CCT5: variants seen among roughly 807,000 people sequenced by gnomAD.
CCT5 encodes T-complex protein 1 subunit epsilon.
CCT5 carries 6 observed loss-of-function variants against 55.0 expected under a neutral mutation model. The ratio of observed to expected loss-of-function variants is 0.11; its 90% CI spans 0.06 to 0.22. The LOEUF is 0.22. Among genes scored for constraint, CCT5 ranks in the 10% least tolerant of loss-of-function variants. The probability of loss-of-function intolerance (pLI) is 1.00; values close to 1 mark genes in which losing one functional copy is unlikely to be tolerated. For missense variants in CCT5, 560 were observed against 694.6 expected (o/e 0.81, Z 2.18); for synonymous variants, 231 against 243.7 (o/e 0.95, Z 0.49).
Position 10,255,157 on chromosome 5 carries a change from A to C in CCT5, c.331+319A>C, listed in dbSNP as rs184143031. The C allele has an allele frequency of 1.8e-3, 693 of 374,690 alleles. 6 individuals carry two copies. Among genetic ancestry groups the C allele is most frequent in the African/African-American group, 0.013 (629 of 48,262 alleles). 23.2% of individuals were successfully genotyped at this position (374,690 alleles called of 1,614,324 possible). A position where few individuals can be genotyped will look rare whatever the true frequency, so the allele number is the denominator to read the frequency against. On this transcript the variant is annotated intron_variant, in intron 3 of 10. Transcript: ENST00000280326. ...TTTTGGATCATGTACTGCAATGCTG[A>C]GTTTCCTGAGTGATCTGTGACCATT... is the stretch of plus-strand genomic sequence containing the variant.
chr5:10,264,332 G>T (rs140965800), intron 10 of CCT5, among the ~76,000 whole-genome samples: 1 of 152,280 alleles, frequency 6.6e-6, no homozygotes, highest in Non-Finnish European at 1.5e-5. Flanking sequence ...TGGTCAGATG[G>T]ACTTACTTTA....
intron 7 of CCT5, chr5:10,261,172 GA>G: frequency 3.8e-6 from 2 of 524,810 alleles, no homozygotes; most frequent in Non-Finnish European, 6.9e-6. Flanking sequence ...ACTAAGGCTG[GA>G]AGACCTGGTC....
rs113764522 is a variant in CCT5 at position 10,259,085 on chromosome 5, G to A, written c.873+550G>A. Among the ~76,000 whole-genome samples, 73 of 152,318 alleles carry A rather than the reference G, an allele frequency of 4.8e-4. 1 individual carries two copies. Among genetic ancestry groups the A allele is most frequent in the African/African-American group, 1.7e-3 (71 of 41,566 alleles). ...TTGTACATATTATATTTGCCGTCCTGGACAAATTTAACTTAGCTTACCTTG... is the reference window on the plus strand; with the variant it reads ...TTGTACATATTATATTTGCCGTCCTAGACAAATTTAACTTAGCTTACCTTG... On this transcript the variant is annotated intron_variant, in intron 6 of 10. Coordinates refer to ENST00000280326, the MANE Select transcript of CCT5 (RefSeq NM_012073.5).
intron 8 of CCT5, 41 bp from the exon 9 acceptor site, chr5:10,262,440 G>C (rs763731217): frequency 3.7e-6 from 6 of 1,611,776 alleles, no homozygotes; most frequent in Non-Finnish European, 5.1e-6. Flanking sequence ...AAATTGACTA[G>C]ATCTTGATCA....
chr5:10,257,148 G>T (rs752522846), intron 4 of CCT5, among the ~76,000 whole-genome samples: 9 of 152,214 alleles, frequency 5.9e-5, no homozygotes, highest in Non-Finnish European at 1.3e-4. Flanking sequence ...TAAACTCAGA[G>T]TAGTCAGGGA....
rs1191228356 is a variant in CCT5, at chr5:10,254,151, A to G, written c.112A>G (p.Ile38Val). ...LMGLEALKSH[I>V]MAAKAVANTM... ...TTTCTGTTTGTTTCATTAGTCTCAT[A>G]TAATGGCAGCAAAGGCTGTAGCAAA... The change falls in exon 2 of 11, where the codon ATA (isoleucine) becomes GTA (valine). Residue 38 changes from isoleucine to valine, a missense_variant. By Grantham distance (29) the Ile-to-Val change is conservative. Transcript: ENST00000280326. 1.3e-5 allele frequency: 21 copies of G among 1,606,034 alleles called. No individual in the cohort carries two copies. In the East Asian group the frequency reaches 3.8e-4, roughly 29 times the overall value.
intron 8 of CCT5, 41 bp from the exon 9 acceptor site, chr5:10,262,440 G>A (rs763731217): frequency 1.9e-6 from 3 of 1,611,894 alleles, no homozygotes; most frequent in Non-Finnish European, 1.7e-6. Flanking sequence ...AAATTGACTA[G>A]ATCTTGATCA....
In CCT5 at chr5:10,260,928, G is replaced by A. The variant is rs774770380; in HGVS notation, c.993+17G>A. 3.7e-6 allele frequency: 6 copies of A among 1,613,694 alleles called. No individual in the cohort carries two copies. In the South Asian group the frequency reaches 4.4e-5, roughly 12 times the overall value. On this transcript the variant is annotated intron_variant, in intron 7 of 10. Coordinates refer to ENST00000280326, the MANE Select transcript of CCT5 (RefSeq NM_012073.5). ...GAAATTGAGGTAGGATGTTCCACGT[G>A]AAGAGACTTTGAGAAGTAGGGGTTC... is the stretch of plus-strand genomic sequence containing the variant.
intron 6 of CCT5, among the ~76,000 whole-genome samples, chr5:10,260,505 TTCTGTGGG>T (rs1362395791): frequency 6.6e-6 from 1 of 151,632 alleles, no homozygotes; most frequent in Non-Finnish European, 1.5e-5. Flanking sequence ...TTGTTGACGT[TTCTGTGGG>T]TTTTGCCTCA....
rs1367645163 is a variant in CCT5, at chr5:10,258,390, T to A, written c.728T>A (p.Val243Glu). The change falls in exon 6 of 11, where the codon GTG becomes GAG. Residue 243 changes from valine to glutamate, a missense_variant. Around this residue, in one of 4 missense-constraint regions of CCT5, gnomAD observed 256 missense variants for 372.4 expected, o/e 0.69. Coordinates refer to ENST00000280326, the MANE Select transcript of CCT5 (RefSeq NM_012073.5). ...TGTCTTTATGTTCCCCCATAGAAAG[T>A]GGAAGATGCGAAGATTGCAATTCTC... ...DFSHPQMPKKVEDAKIAILTC... is the reference protein window; with the variant it reads ...DFSHPQMPKKEEDAKIAILTC... 2 of 1,614,086 alleles carry A rather than the reference T, an allele frequency of 1.2e-6. No homozygotes were observed. The highest frequency in any genetic ancestry group is 2.7e-5 in the African/African-American group (2 of 74,916).
At chr5:10,260,972 T>A (rs1745931368) in intron 7 of CCT5, 61 bp downstream of exon 7, 1 of 1,563,768 alleles carries the variant, frequency 6.4e-7, no homozygotes, top group African/African-American at 1.4e-5. Context: ...TGTTGAGGGG[T>A]GTTTTGATAG....
chr5:10,254,984 C>T (rs80352266), intron 3 of CCT5, 146 bp downstream of exon 3: 2 of 715,702 alleles, frequency 2.8e-6, no homozygotes, highest in African/African-American at 3.5e-5. Context: ...AAACAAATGT[C>T]GGACTTTCAA....
At chr5:10,258,580 G>A in intron 6 of CCT5, 45 bp downstream of exon 6, 2 of 1,547,724 alleles carry the variant, frequency 1.3e-6, no homozygotes, top group Non-Finnish European at 1.8e-6. Context: ...CTCCCAAAGG[G>A]TACAGTTAGT....
Position 10,258,442 on chromosome 5 carries a change from A to G in CCT5, c.780A>G (p.Pro260=), listed in dbSNP as rs1382837588. 1.2e-6 allele frequency: 2 copies of G among 1,614,110 alleles called. No homozygotes were observed. Among genetic ancestry groups the G allele is most frequent in the Admixed American group, 1.7e-5 (1 of 60,026 alleles). ...CATGTCCATTTGAACCACCCAAACC[A>G]AAAACAAAGCATAAGCTGGATGTGA... is the stretch of plus-strand genomic sequence containing the variant. ...ILTCPFEPPK[P]KTKHKLDVTS... The change falls in exon 6 of 11, where the codon CCA becomes CCG. Residue 260 remains proline, a synonymous_variant. Coordinates refer to ENST00000280326, the MANE Select transcript of CCT5 (RefSeq NM_012073.5).
In CCT5 at chr5:10,258,040, G is replaced by A. The variant is rs61063778; in HGVS notation, c.531-71G>A. 294 of 1,436,258 alleles carry A rather than the reference G, an allele frequency of 2.0e-4. No homozygotes were observed. In the African/African-American group the frequency reaches 3.8e-3, roughly 18 times the overall value. 89.0% of individuals were successfully genotyped at this position (1,436,258 alleles called of 1,614,324 possible). On this transcript the variant is annotated intron_variant, in intron 4 of 10. Transcript: ENST00000280326. ...TTGATTTATATCTTTGAGTAACATT[G>A]TGTTATGTGGCCTGCTTTGGTTGCA...
At chr5:10,262,384 G>C (rs1223884490) in intron 8 of CCT5, 97 bp from the exon 9 acceptor site, 3 of 1,315,326 alleles carry the variant, frequency 2.3e-6, no homozygotes, top group African/African-American at 2.9e-5. Flanking sequence ...CTAAATATTA[G>C]AGCACAGCCT....
intron 7 of CCT5, chr5:10,261,183 C>G: frequency 1.9e-6 from 1 of 515,906 alleles, no homozygotes; most frequent in Non-Finnish European, 3.5e-6. Flanking sequence ...AAGACCTGGT[C>G]TCATCCAAAT....
chr5:10,257,562 A>T (rs1745744440), intron 4 of CCT5, among the ~76,000 whole-genome samples: 1 of 148,698 alleles, frequency 6.7e-6, no homozygotes, highest in Non-Finnish European at 1.5e-5. Flanking sequence ...AATTTATTGA[A>T]CTGTCTATTC....
intron 1 of CCT5, among the ~76,000 whole-genome samples, chr5:10,253,687 A>G (rs1745540700): frequency 6.6e-6 from 1 of 152,220 alleles, no homozygotes; most frequent in African/African-American, 2.4e-5. Context: ...CCTAGATGCA[A>G]GGGACTTGAG....
Sources: allele counts gnomAD v4.1 joint callset (sites outside exome capture counted in the v4.1 genomes callset), GRCh38; gene constraint gnomAD v4.1.1; regional missense constraint gnomAD v4.1.1; transcripts MANE v1.5; gene names NCBI Gene and HGNC (gene_info 2026-07-23, HGNC 2026-07-21).